Variants in ZNF541 observed in about 807,000 individuals in gnomAD.
The protein encoded by ZNF541 is zinc finger protein 541.
Under a neutral mutation model 123.5 loss-of-function variants are expected in ZNF541, and 23 were observed. The ratio of observed to expected loss-of-function variants is 0.19; its 90% confidence interval spans 0.13 to 0.26. The LOEUF (loss-of-function observed/expected upper bound fraction) is 0.26, where lower values mean the gene tolerates loss of function less well. Ranked by LOEUF, ZNF541 falls within the 10% of genes least tolerant of loss-of-function variation. The pLI, the probability that ZNF541 is intolerant of heterozygous loss-of-function variation, is 1.00. For synonymous variants in ZNF541, 751 were observed against 754.5 expected (o/e 1.00, Z 0.08); for missense variants, 1,612 against 1,789.9 (o/e 0.90, Z 1.79).
At chr19:47,547,840 C>T (rs150260182) in intron 4 of ZNF541, among the ~76,000 whole-genome samples, 228 of 151,260 alleles carry the variant, frequency 1.5e-3, no homozygotes, top group African/African-American at 5.4e-3. Flanking sequence ...TTGGGGAGGC[C>T]GAGTCACGCA....
rs535449743 is a variant in ZNF541 at position 47,523,320 on chromosome 19, G to A, written c.3571-1326C>T. Among the ~76,000 whole-genome samples the A allele has an allele frequency of 3.1e-4, 41 of 133,468 alleles. No individual in the cohort carries two copies. In the South Asian group the frequency reaches 8.1e-3, roughly 26 times the overall value. The allele number at this position is 133,468 out of a possible 152,430, so 87.6% of individuals were successfully genotyped here. A position where few individuals can be genotyped will look rare whatever the true frequency, so the allele number is the denominator to read the frequency against. On this transcript the variant is annotated intron_variant, in intron 14 of 16. Coordinates refer to ENST00000391901, the MANE Select transcript of ZNF541 (RefSeq NM_001277075.3). Reference sequence around the variant, plus strand: ...TGGCATTACAGGCGTGAGCCACCGCGCCCGGCGAGCGTCTCTTTTAAAAAA... The same window carrying A: ...TGGCATTACAGGCGTGAGCCACCGCACCCGGCGAGCGTCTCTTTTAAAAAA...
chr19:47,549,442 T>A lies in ZNF541; in HGVS notation c.351A>T (p.Gly117=), dbSNP rs1334136879. ...GVLKAKEADE[G]GRATSGSARK... is the part of the protein sequence containing the mutation. ...TGGCACTCCCCGAGGTGGCCCTTCC[T>A]CCTTCGTCAGCCTCTTTAGCCTTAA... is the stretch of plus-strand genomic sequence containing the variant. Residue 117 remains glycine, a synonymous_variant, in exon 4 of 17, where the codon GGA becomes GGT. Coordinates refer to ENST00000391901, the MANE Select transcript of ZNF541 (RefSeq NM_001277075.3). The A allele has an allele frequency of 6.4e-7, 1 of 1,551,696 alleles. No homozygotes were observed. The highest frequency in any genetic ancestry group is 1.4e-5 in the African/African-American group (1 of 73,156).
Position 47,555,541 on chromosome 19 carries a change from C to G in ZNF541, c.307+9G>C. ...CTGCAGGGCCCTTCTACCCAGGTGACAGCCTCACCTTGTAAGGATGCCTGA... is the reference window on the plus strand; with the variant it reads ...CTGCAGGGCCCTTCTACCCAGGTGAGAGCCTCACCTTGTAAGGATGCCTGA... On this transcript the variant is annotated intron_variant, in intron 3 of 16. Coordinates refer to ENST00000391901, the MANE Select transcript of ZNF541 (RefSeq NM_001277075.3). 5.9e-6 allele frequency: 9 copies of G among 1,526,522 alleles called. No homozygotes were observed. The highest frequency in any genetic ancestry group is 8.0e-6 in the Non-Finnish European group (9 of 1,132,018). 94.6% of individuals were successfully genotyped at this position (1,526,522 alleles called of 1,614,324 possible).
In ZNF541 at chr19:47,544,883, A is replaced by G. The variant is rs1970256933; in HGVS notation, c.1646T>C (p.Leu549Pro). 2 of 1,536,094 alleles carry G rather than the reference A, an allele frequency of 1.3e-6. No individual in the cohort carries two copies. Among genetic ancestry groups the G allele is most frequent in the African/African-American group, 1.4e-5 (1 of 73,056 alleles). Reference protein sequence around the residue: ...RQLFLKSQEPLVSHEQMQVFQ... With the variant: ...RQLFLKSQEPPVSHEQMQVFQ... ...CACCTGCATCTGCTCGTGGCTCACAAGAGGTTCCTGCGACTTGAGGAAGAG... is the reference window on the plus strand; with the variant it reads ...CACCTGCATCTGCTCGTGGCTCACAGGAGGTTCCTGCGACTTGAGGAAGAG... The change falls in exon 5 of 17, where the codon CTT (leucine) becomes CCT (proline). Residue 549 changes from leucine to proline, a missense_variant. Physicochemically the swap from Leu to Pro is moderately conservative, Grantham distance 98 (BLOSUM62 -3). This residue lies in a region of ZNF541 where 1,080 missense variants were observed against 1,013.8 expected (regional missense o/e 1.07). Coordinates refer to ENST00000391901, the MANE Select transcript of ZNF541 (RefSeq NM_001277075.3).
intron 3 of ZNF541, 23 bp downstream of exon 3, chr19:47,555,527 T>C: frequency 2.6e-6 from 4 of 1,514,146 alleles, no homozygotes; most frequent in Non-Finnish European, 3.6e-6. Context: ...TGCAGGGCCC[T>C]TCTACCCAGG....
chr19:47,569,315 G>C (rs186532791), intron 2 of ZNF541, among the ~76,000 whole-genome samples: 1 of 152,102 alleles, frequency 6.6e-6, no homozygotes, highest in East Asian at 1.9e-4. Flanking sequence ...AGGTACTCTT[G>C]TAATCACTTG....
At chr19:47,556,039 C>A (rs148812007) in intron 2 of ZNF541, among the ~76,000 whole-genome samples, 85 bp from the exon 3 acceptor site, 1 of 152,302 alleles carries the variant, frequency 6.6e-6, no homozygotes, top group East Asian at 1.9e-4. Flanking sequence ...GCAAGCAGAC[C>A]TCGATCTGGG....
chr19:47,569,457 T>C (rs1229725454), intron 2 of ZNF541, among the ~76,000 whole-genome samples: 2 of 152,042 alleles, frequency 1.3e-5, no homozygotes, highest in African/African-American at 4.8e-5. Context: ...CAACCCTGGG[T>C]AGTCTAATTT....
At chr19:47,555,477 G>C in intron 3 of ZNF541, 73 bp downstream of exon 3, 1 of 1,424,586 alleles carries the variant, frequency 7.0e-7, no homozygotes, top group Non-Finnish European at 9.3e-7. Context: ...AATCCATGCA[G>C]AATCAGTCCC....
At chr19:47,573,062 G>A (rs1215929143) in intron 1 of ZNF541, among the ~76,000 whole-genome samples, 21 bp downstream of exon 1, 4 of 150,746 alleles carry the variant, frequency 2.7e-5, no homozygotes. Context: ...AGGGGCAGGG[G>A]CAGCAGCAAC....
At chr19:47,546,482 A>G (rs1284909911) in intron 4 of ZNF541, among the ~76,000 whole-genome samples, 1 of 152,040 alleles carries the variant, frequency 6.6e-6, no homozygotes, top group Non-Finnish European at 1.5e-5. Flanking sequence ...ACTGCACTCC[A>G]GCCTGGGTGA....
intron 5 of ZNF541, among the ~76,000 whole-genome samples, chr19:47,543,053 T>C (rs1210463774): frequency 6.0e-5 from 9 of 150,116 alleles, no homozygotes; most frequent in Admixed American, 1.3e-4. Flanking sequence ...GATGAGAGGA[T>C]TGCTTGAGCC....
intron 8 of ZNF541, among the ~76,000 whole-genome samples, chr19:47,539,491 A>G (rs908937623): frequency 1.1e-4 from 17 of 151,808 alleles, no homozygotes; most frequent in African/African-American, 4.1e-4. Context: ...TAGTAGACAC[A>G]GGGTTTCACC....
chr19:47,548,771 G>A (rs1970472066), intron 4 of ZNF541, among the ~76,000 whole-genome samples: 1 of 152,138 alleles, frequency 6.6e-6, no homozygotes, highest in Non-Finnish European at 1.5e-5. Context: ...CCTGCGCTCT[G>A]ATGGTGTGAG....
At position 47,549,454 on chromosome 19, in the gene ZNF541, C is replaced by G; in HGVS notation, c.339G>C (p.Glu113Asp). ...AGGTGGCCCTTCCTCCTTCGTCAGCCTCTTTAGCCTTAAGCACACCTAGCC... is the reference window on the plus strand; with the variant it reads ...AGGTGGCCCTTCCTCCTTCGTCAGCGTCTTTAGCCTTAAGCACACCTAGCC... ...DLGLGVLKAK[E>D]ADEGGRATSG... The change falls in exon 4 of 17, where the codon GAG becomes GAC. Residue 113 changes from glutamate to aspartate, a missense_variant. Glu to Asp is a conservative substitution (Grantham distance 45, BLOSUM62 2). Transcript: ENST00000391901. 6.4e-7 allele frequency: 1 copy of G among 1,551,678 alleles called. No individual in the cohort carries two copies. The highest frequency in any genetic ancestry group is 8.7e-7 in the Non-Finnish European group (1 of 1,147,050).
chr19:47,549,813 T>C (rs946965733), intron 3 of ZNF541, among the ~76,000 whole-genome samples: 1 of 152,126 alleles, frequency 6.6e-6, no homozygotes, highest in Admixed American at 6.6e-5. Context: ...ATCCAAAACC[T>C]TGGAAAAGTA....
intron 9 of ZNF541, 52 bp from the exon 10 acceptor site, chr19:47,533,024 C>G: frequency 6.6e-7 from 1 of 1,516,208 alleles, no homozygotes; most frequent in Non-Finnish European, 8.9e-7. Flanking sequence ...AGGTAACCGA[C>G]AGGGTCCTCT....
intron 2 of ZNF541, among the ~76,000 whole-genome samples, chr19:47,558,334 T>C (rs1970911906): frequency 6.6e-6 from 1 of 151,804 alleles, no homozygotes; most frequent in East Asian, 2.0e-4. Context: ...GAGAATGGTA[T>C]GAACCCAGGA....
In ZNF541 at chr19:47,551,568, T is replaced by A. The variant is rs181016090; in HGVS notation, c.308-2083A>T. 3.9e-5 allele frequency among the ~76,000 whole-genome samples: 6 copies of A among 152,136 alleles called. 1 individual carries two copies. The highest frequency in any genetic ancestry group is 1.4e-4 in the African/African-American group (6 of 41,518). On this transcript the variant is annotated intron_variant, in intron 3 of 16. Coordinates refer to ENST00000391901, the MANE Select transcript of ZNF541 (RefSeq NM_001277075.3). ...TATTTTTATTTCTTGAGACAGGGTC[T>A]TATTCTGTCACCCAGGCTACAGTAC...
Sources: allele counts gnomAD v4.1 joint callset (sites outside exome capture counted in the v4.1 genomes callset), GRCh38; gene constraint gnomAD v4.1.1; regional missense constraint gnomAD v4.1.1; transcripts MANE v1.5; gene names NCBI Gene and HGNC (gene_info 2026-07-23, HGNC 2026-07-21).